The following ZNF385D variants were observed in gnomAD, a reference collection of about 807,000 sequenced individuals.
The protein encoded by ZNF385D is zinc finger protein 659.
Under a neutral mutation model 35.8 loss-of-function variants are expected in ZNF385D, and 15 were observed. That is an observed-to-expected ratio of 0.42 (90% CI 0.28 to 0.64). The LOEUF (loss-of-function observed/expected upper bound fraction) is 0.64, where lower values mean the gene tolerates loss of function less well. ZNF385D is among the 30% of genes least tolerant of loss of function. ZNF385D has a pLI of 0.23. For synonymous variants in ZNF385D, 212 were observed against 186.8 expected, an observed-to-expected ratio of 1.13 and a Z score of -1.10; for missense variants, 474 against 494.6, an observed-to-expected ratio of 0.96 and a Z score of 0.39.
At chr3:22,181,467 C>T (rs1020043467) in intron 2 of ZNF385D, among the ~76,000 whole-genome samples, 2 of 151,908 alleles carry the variant, frequency 1.3e-5, no homozygotes, top group Non-Finnish European at 2.9e-5. Flanking sequence ...GAGGCCGAGG[C>T]GGGCGGATCA....
intron 2 of ZNF385D, among the ~76,000 whole-genome samples, chr3:22,228,040 A>G (rs1237363728): frequency 6.6e-6 from 1 of 152,146 alleles, no homozygotes; most frequent in African/African-American, 2.4e-5. Context: ...GCCTGTCTGC[A>G]TCATCCCAAC....
At position 21,717,665 on chromosome 3, in the gene ZNF385D, A is replaced by C. The variant is rs374081945; in HGVS notation, c.22+33230T>G. Reference sequence around the variant, plus strand: ...TTGAATCAGGGGGGCGGTTTCCCCCATGCTGTTCTTGTGGTAGTGAATAAG... The same window carrying C: ...TTGAATCAGGGGGGCGGTTTCCCCCCTGCTGTTCTTGTGGTAGTGAATAAG... On this transcript the variant is annotated intron_variant, in intron 1 of 7. Transcript: ENST00000281523. 3.9e-5 allele frequency among the ~76,000 whole-genome samples: 6 copies of C among 152,304 alleles called. No homozygotes were observed. In the South Asian group the frequency reaches 1.2e-3, roughly 32 times the overall value.
At chr3:22,187,546 T>C (rs1405368156) in intron 2 of ZNF385D, among the ~76,000 whole-genome samples, 1 of 152,084 alleles carries the variant, frequency 6.6e-6, no homozygotes, top group Non-Finnish European at 1.5e-5. Flanking sequence ...AGATATTCCA[T>C]TTCATTCTTT....
In ZNF385D at chr3:22,214,285, T is replaced by C. The variant is rs181821643; in HGVS notation, c.107-45250A>G. Among the ~76,000 whole-genome samples, 3 of 152,226 alleles carry C rather than the reference T, an allele frequency of 2.0e-5. No homozygotes were observed. In the East Asian group the frequency reaches 5.8e-4, roughly 29 times the overall value. On this transcript the variant is annotated intron_variant, in intron 2 of 5. Coordinates refer to the ZNF385D transcript ENST00000494108. ...CTATGCCTGTCTTTACTTTAATCTTTTAGTCTTATTATCTGTAAGCTGAGG... is the reference window on the plus strand; with the variant it reads ...CTATGCCTGTCTTTACTTTAATCTTCTAGTCTTATTATCTGTAAGCTGAGG...
At chr3:22,368,691 A>G (rs1339090352) in intron 2 of ZNF385D, among the ~76,000 whole-genome samples, 1 of 152,134 alleles carries the variant, frequency 6.6e-6, no homozygotes, top group African/African-American at 2.4e-5. Context: ...TCATCTTATA[A>G]GAGCACTAAT....
At chr3:22,353,891 C>A (rs975471431) in intron 2 of ZNF385D, among the ~76,000 whole-genome samples, 1 of 152,106 alleles carries the variant, frequency 6.6e-6, no homozygotes, top group Admixed American at 6.6e-5. Context: ...ACTACCAGGA[C>A]TGAAATCATT....
intron 2 of ZNF385D, among the ~76,000 whole-genome samples, chr3:21,662,183 G>C (rs1027259658): frequency 6.6e-6 from 1 of 152,092 alleles, no homozygotes. Flanking sequence ...ATCTAGGTAG[G>C]AGGGACTGCT....
intron 2 of ZNF385D, among the ~76,000 whole-genome samples, chr3:21,596,603 A>G (rs11705760): frequency 0.12 from 18,651 of 149,562 alleles, 1,246 homozygotes; most frequent in East Asian, 0.25. Flanking sequence ...GCCTCAGCCT[A>G]CTGGCCAGCT....
intron 3 of ZNF385D, among the ~76,000 whole-genome samples, chr3:21,775,540 C>T (rs1005489554): frequency 2.0e-5 from 3 of 151,866 alleles, no homozygotes; most frequent in Admixed American, 1.3e-4. Flanking sequence ...AGTTGAACTC[C>T]TCCTGGCTAT....
chr3:21,935,425 T>G (rs1295074159), intron 3 of ZNF385D, among the ~76,000 whole-genome samples: 1 of 152,122 alleles, frequency 6.6e-6, no homozygotes, highest in Non-Finnish European at 1.5e-5. Context: ...ATGAAGAAAT[T>G]GGGACATAGA....
intron 4 of ZNF385D, among the ~76,000 whole-genome samples, chr3:21,442,261 C>CT (rs1355130022): frequency 6.6e-6 from 1 of 152,090 alleles, no homozygotes; most frequent in Non-Finnish European, 1.5e-5. Context: ...AGTGGAAAAA[C>CT]CATAGGTGAG....
chr3:21,668,451 T>C (rs207463036), intron 1 of ZNF385D, among the ~76,000 whole-genome samples: 2 of 152,152 alleles, frequency 1.3e-5, no homozygotes, highest in Non-Finnish European at 2.9e-5. Flanking sequence ...GTCTCACAAA[T>C]GATGTTTCCA....
intron 3 of ZNF385D, among the ~76,000 whole-genome samples, chr3:21,921,842 G>GAAA (rs71780202): frequency 7.1e-6 from 1 of 140,710 alleles, no homozygotes; most frequent in Non-Finnish European, 1.5e-5. Flanking sequence ...AATCAGTAAT[G>GAAA]AAAAAAAAAA....
At chr3:21,961,079 A>G (rs1323348481) in intron 3 of ZNF385D, among the ~76,000 whole-genome samples, 4 of 152,170 alleles carry the variant, frequency 2.6e-5, no homozygotes, top group Non-Finnish European at 5.9e-5. Context: ...TTTGATGTTC[A>G]TAACACAAAG....
intron 3 of ZNF385D, among the ~76,000 whole-genome samples, chr3:21,546,125 A>G (rs535308909): frequency 2.6e-5 from 4 of 152,262 alleles, no homozygotes; most frequent in African/African-American, 9.6e-5. Context: ...AAACTCATCA[A>G]ACTTACCATA....
chr3:21,983,921 A>G (rs1694656392), intron 3 of ZNF385D, among the ~76,000 whole-genome samples: 3 of 134,050 alleles, frequency 2.2e-5, no homozygotes, highest in Non-Finnish European at 4.6e-5. Context: ...GCCAGTGATG[A>G]TGAGCATTTT....
At chr3:21,890,346 C>A (rs1052828961) in intron 3 of ZNF385D, among the ~76,000 whole-genome samples, 3 of 152,110 alleles carry the variant, frequency 2.0e-5, no homozygotes, top group Non-Finnish European at 4.4e-5. Context: ...GGGCCAGGAG[C>A]GGTGGCTCAT....
At chr3:22,246,069 A>G (rs1437005577) in intron 2 of ZNF385D, among the ~76,000 whole-genome samples, 6 of 152,150 alleles carry the variant, frequency 3.9e-5, no homozygotes, top group Non-Finnish European at 8.8e-5. Flanking sequence ...TGAACATCAT[A>G]ACAGATGCTT....
chr3:22,301,982 C>T (rs888614935), intron 2 of ZNF385D, among the ~76,000 whole-genome samples: 1 of 151,936 alleles, frequency 6.6e-6, no homozygotes, highest in Non-Finnish European at 1.5e-5. Context: ...CTTTTTAATC[C>T]AGAGTGCACA....
Sources: gnomAD v4.1 joint callset for allele counts (sites outside exome capture counted in the v4.1 genomes callset) on GRCh38, gnomAD v4.1.1 for gene constraint, MANE v1.5 for transcripts, NCBI Gene and HGNC (gene_info 2026-07-23, HGNC 2026-07-21) for gene names.